The following STAG1 variants were observed in gnomAD, a reference collection of about 807,000 sequenced individuals.
STAG1 encodes the protein cohesin subunit SA-1.
In STAG1, 26 loss-of-function variants were observed where a neutral mutation model predicts 170.9. The ratio of observed to expected loss-of-function variants is 0.15; its 90% CI spans 0.11 to 0.21. The LOEUF (loss-of-function observed/expected upper bound fraction) is 0.21, where lower values mean the gene tolerates loss of function less well. Ranked by LOEUF, STAG1 falls within the 10% of genes least tolerant of loss-of-function variation. The probability of loss-of-function intolerance (pLI) is 1.00; values close to 1 mark genes in which losing one functional copy is unlikely to be tolerated. For missense variants in STAG1, 964 were observed against 1,509.5 expected, an observed-to-expected ratio of 0.64 and a Z score of 5.99; for synonymous variants, 514 against 497.7, an observed-to-expected ratio of 1.03 and a Z score of -0.44.
intron 5 of STAG1, among the ~76,000 whole-genome samples, chr3:136,564,850 A>G (rs1936990983): frequency 6.6e-6 from 1 of 151,850 alleles, no homozygotes; most frequent in Non-Finnish European, 1.5e-5. Context: ...CCTAAATATA[A>G]AATATAAAAT....
chr3:136,429,453 G>A (rs1335643221), intron 16 of STAG1, among the ~76,000 whole-genome samples: 1 of 152,102 alleles, frequency 6.6e-6, no homozygotes, highest in Non-Finnish European at 1.5e-5. Context: ...AGGATGACTT[G>A]ATGGAGATGA....
chr3:136,706,403 G>A (rs951961046), intron 1 of STAG1, among the ~76,000 whole-genome samples: 1 of 152,060 alleles, frequency 6.6e-6, no homozygotes, highest in Non-Finnish European at 1.5e-5. Flanking sequence ...CAGGGTATAA[G>A]ATCAATATAC....
intron 22 of STAG1, among the ~76,000 whole-genome samples, chr3:136,386,594 C>A (rs928410419): frequency 6.6e-6 from 1 of 152,100 alleles, no homozygotes; most frequent in Non-Finnish European, 1.5e-5. Context: ...AATACCTATA[C>A]ACACAAAAAC....
chr3:136,660,802 TA>T (rs539754962), intron 1 of STAG1, among the ~76,000 whole-genome samples: 229 of 147,678 alleles, frequency 1.6e-3, no homozygotes, highest in Non-Finnish European at 2.5e-3. Flanking sequence ...ACCCAATCTC[TA>T]AAAAAAAAAT....
chr3:136,518,457 C>A, intron 7 of STAG1: 1 of 691,026 alleles, frequency 1.4e-6, no homozygotes, highest in Non-Finnish European at 2.6e-6. Context: ...ATCTATTCCT[C>A]GTACATATAC....
At chr3:136,629,668 A>G (rs1180554312) in intron 2 of STAG1, among the ~76,000 whole-genome samples, 1 of 152,058 alleles carries the variant, frequency 6.6e-6, no homozygotes, top group Admixed American at 6.6e-5. Context: ...GCTGGAAGGG[A>G]AAAAAAGAAG....
At chr3:136,687,979 C>T (rs1042687325) in intron 1 of STAG1, among the ~76,000 whole-genome samples, 1 of 152,234 alleles carries the variant, frequency 6.6e-6, no homozygotes, top group South Asian at 2.1e-4. Flanking sequence ...TCATGTGATC[C>T]ACCCGCCTCG....
chr3:136,406,892 T>G (rs1423225229), intron 21 of STAG1, among the ~76,000 whole-genome samples: 1 of 152,254 alleles, frequency 6.6e-6, no homozygotes, highest in Non-Finnish European at 1.5e-5. Context: ...TAATGCACAT[T>G]AATCCTTGGC....
At chr3:136,516,683 G>C (rs1272976600) in intron 7 of STAG1, among the ~76,000 whole-genome samples, 1 of 152,066 alleles carries the variant, frequency 6.6e-6, no homozygotes, top group African/African-American at 2.4e-5. Flanking sequence ...AAACCATAAA[G>C]GAAGGGAAAT....
At chr3:136,341,044 G>T (rs1489203328) in intron 31 of STAG1, among the ~76,000 whole-genome samples, 2 of 152,100 alleles carry the variant, frequency 1.3e-5, no homozygotes, top group Admixed American at 1.3e-4. Flanking sequence ...GAGTAGCTGG[G>T]ATTATAGGCG....
At chr3:136,729,796 C>T (rs955940847) in intron 1 of STAG1, among the ~76,000 whole-genome samples, 2 of 146,952 alleles carry the variant, frequency 1.4e-5, no homozygotes, top group Non-Finnish European at 3.0e-5. Context: ...CCAGGCTAGT[C>T]TTGAACTCCT....
At chr3:136,515,916 A>C (rs541838667) in intron 7 of STAG1, among the ~76,000 whole-genome samples, 65 of 152,332 alleles carry the variant, frequency 4.3e-4, no homozygotes, top group Admixed American at 1.0e-3. Flanking sequence ...TAAAGATTTT[A>C]TATCTGGAGG....
intron 28 of STAG1, among the ~76,000 whole-genome samples, chr3:136,355,576 T>TTA (rs1560053907): frequency 6.6e-6 from 1 of 152,034 alleles, no homozygotes; most frequent in Non-Finnish European, 1.5e-5. Context: ...ATAAGCTAAC[T>TTA]AGACAGAACA....
At chr3:136,584,017 C>T (rs1937680790) in intron 4 of STAG1, among the ~76,000 whole-genome samples, 1 of 152,184 alleles carries the variant, frequency 6.6e-6, no homozygotes, top group Admixed American at 6.5e-5. Context: ...AAAACACCAG[C>T]TGGAGAGCCT....
At chr3:136,712,985 G>A (rs2107920530) in intron 1 of STAG1, among the ~76,000 whole-genome samples, 1 of 152,194 alleles carries the variant, frequency 6.6e-6, no homozygotes, top group African/African-American at 2.4e-5. Context: ...CAGCTACTCA[G>A]GAGGCTGAGG....
At chr3:136,480,951 G>C (rs1293150546) in intron 9 of STAG1, among the ~76,000 whole-genome samples, 2 of 145,640 alleles carry the variant, frequency 1.4e-5, no homozygotes, top group Admixed American at 1.4e-4. Context: ...CTTTGCTGAA[G>C]TCGCTTATCA....
At chr3:136,478,200 A>G (rs921731468) in intron 9 of STAG1, among the ~76,000 whole-genome samples, 1 of 152,216 alleles carries the variant, frequency 6.6e-6, no homozygotes, top group Admixed American at 6.5e-5. Context: ...TTAGGCTGAG[A>G]CGGAAGAATC....
intron 21 of STAG1, among the ~76,000 whole-genome samples, chr3:136,405,758 T>C (rs1390725127): frequency 9.0e-6 from 1 of 110,646 alleles, no homozygotes; most frequent in East Asian, 3.1e-4. Context: ...GCCACTGCGC[T>C]CCAGCCTGGG....
chr3:136,603,448 A>G (rs1559903562), intron 4 of STAG1, among the ~76,000 whole-genome samples: 1 of 152,250 alleles, frequency 6.6e-6, no homozygotes, highest in Non-Finnish European at 1.5e-5. Flanking sequence ...ACGAACATAA[A>G]TAATAAACAC....
Sources: allele counts gnomAD v4.1 joint callset (sites outside exome capture counted in the v4.1 genomes callset), GRCh38; gene constraint gnomAD v4.1.1; transcripts MANE v1.5; gene names NCBI Gene and HGNC (gene_info 2026-07-23, HGNC 2026-07-21).